IKZF1: variants seen among roughly 807,000 people sequenced by gnomAD.
The protein encoded by IKZF1 is IKAROS family zinc finger 1, also known as DNA-binding protein Ikaros.
IKZF1 carries 10 observed loss-of-function variants against 51.7 expected under a neutral mutation model. The observed-to-expected ratio is 0.19, with a 90% CI of 0.12 to 0.33. IKZF1 has a LOEUF of 0.33. Among genes scored for constraint, IKZF1 ranks in the 10% least tolerant of loss-of-function variants. The pLI is 1.00. For synonymous variants in IKZF1, 280 were observed against 282.3 expected, an observed-to-expected ratio of 0.99 and a Z score of 0.08; for missense variants, 484 against 707.5, an observed-to-expected ratio of 0.68 and a Z score of 3.58.
At chr7:50,346,660 A>G (rs1408412391) in intron 3 of IKZF1, among the ~76,000 whole-genome samples, 1 of 152,212 alleles carries the variant, frequency 6.6e-6, no homozygotes, top group Admixed American at 6.5e-5. Context: ...GGAATGCAGA[A>G]TGAAAAAGAA....
At chr7:50,332,797 A>G (rs1291073614) in intron 3 of IKZF1, among the ~76,000 whole-genome samples, 1 of 152,202 alleles carries the variant, frequency 6.6e-6, no homozygotes, top group African/African-American at 2.4e-5. Context: ...AGGCGGGAGG[A>G]CACATGAGTT....
chr7:50,367,891 G>A lies in IKZF1; in HGVS notation c.161-8642G>A, dbSNP rs558599076. The A allele has an allele frequency of 8.4e-4, 509 of 604,248 alleles. 9 individuals are homozygous for A. The South Asian group carries it at 1.0e-2, about 12-fold the overall frequency. The allele number at this position is 604,248 out of a possible 1,614,324, so 37.4% of individuals were successfully genotyped here. On this transcript the variant is annotated intron_variant, in intron 3 of 7. Coordinates refer to ENST00000331340, the MANE Select transcript of IKZF1 (RefSeq NM_006060.6). ...AATAGCAGATGAGTAGCTGAACAGTGGTTTTGAGTAATAAAACGTTCTTTT... is the reference window on the plus strand; with the variant it reads ...AATAGCAGATGAGTAGCTGAACAGTAGTTTTGAGTAATAAAACGTTCTTTT...
chr7:50,391,378 G>T (rs1367670202), intron 6 of IKZF1, among the ~76,000 whole-genome samples: 1 of 152,226 alleles, frequency 6.6e-6, no homozygotes, highest in Non-Finnish European at 1.5e-5. Flanking sequence ...ACTGACTGAG[G>T]TAGCAGATTT....
chr7:50,358,405 A>C (rs1804162958), intron 3 of IKZF1, among the ~76,000 whole-genome samples: 1 of 152,210 alleles, frequency 6.6e-6, no homozygotes, highest in African/African-American at 2.4e-5. Flanking sequence ...TCTCGCGTGA[A>C]GGCTGTGGGA....
In IKZF1 at chr7:50,327,534, C is replaced by T. The variant is rs371735548; in HGVS notation, c.41-104C>T. 84 of 1,382,200 alleles carry T rather than the reference C, an allele frequency of 6.1e-5. 1 individual carries two copies. Among genetic ancestry groups the T allele is most frequent in the East Asian group, 5.1e-4 (20 of 39,516 alleles). The allele number at this position is 1,382,200 out of a possible 1,614,324, so 85.6% of individuals were successfully genotyped here. On this transcript the variant is annotated intron_variant, in intron 2 of 7. Transcript: ENST00000331340. ...CCCAGCAGAGAAGCACTGGCTCCAC[C>T]CAGTACCTGCCTCCTCATGCCACCC...
At chr7:50,381,743 G>A (rs962700730) in intron 4 of IKZF1, among the ~76,000 whole-genome samples, 2 of 152,212 alleles carry the variant, frequency 1.3e-5, no homozygotes, top group Non-Finnish European at 2.9e-5. Context: ...TAGCTTAAAT[G>A]TTTTAGGATT....
At chr7:50,333,612 A>G (rs2153399406) in intron 3 of IKZF1, among the ~76,000 whole-genome samples, 1 of 152,244 alleles carries the variant, frequency 6.6e-6, no homozygotes, top group East Asian at 1.9e-4. Context: ...GAACTCAAGC[A>G]TGTTCAAATG....
intron 3 of IKZF1, among the ~76,000 whole-genome samples, chr7:50,369,903 C>T (rs1287726382): frequency 6.6e-6 from 1 of 152,088 alleles, no homozygotes; most frequent in Non-Finnish European, 1.5e-5. Flanking sequence ...CGAAAACAAC[C>T]TTCTACATTT....
At chr7:50,303,803 C>T (rs141865623), upstream of IKZF1, among the ~76,000 whole-genome samples, 1,093 of 151,342 alleles carry the variant, frequency 7.2e-3, 10 homozygotes, top group African/African-American at 0.024. The surrounding 1 kb of genome is among the most constrained non-coding windows in gnomAD (Gnocchi z 4.7). Context: ...ACCAGCGGCC[C>T]CGGGTGCAGG....
intron 1 of IKZF1, chr7:50,318,438 T>C: frequency 4.3e-6 from 1 of 229,954 alleles, no homozygotes; most frequent in Non-Finnish European, 8.6e-6. Context: ...TGGTGAAGGC[T>C]GAGGCAAGGG....
rs1252675218 is a variant in IKZF1 at position 50,404,593 on chromosome 7, C to T, written c.*3966C>T. On this transcript the variant is annotated 3_prime_UTR_variant, in exon 8 of 8. Transcript: ENST00000331340. ...TACCACTTGGGAACACATGTGGTGT[C>T]TTGATGTGGCCAGCGCAGCAGTTCA... is the stretch of plus-strand genomic sequence containing the variant. The T allele has an allele frequency of 4.4e-6, 1 of 228,992 alleles. No homozygotes were observed. Among genetic ancestry groups the T allele is most frequent in the Non-Finnish European group, 8.7e-6 (1 of 115,424 alleles). The allele number at this position is 228,992 out of a possible 1,614,324, so 14.2% of individuals were successfully genotyped here. A position where few individuals can be genotyped will look rare whatever the true frequency, so the allele number is the denominator to read the frequency against.
intron 7 of IKZF1, among the ~76,000 whole-genome samples, chr7:50,395,258 A>T (rs1021082806): frequency 6.6e-6 from 1 of 152,212 alleles, no homozygotes; most frequent in Non-Finnish European, 1.5e-5. Context: ...GGATAGGTAA[A>T]TATGAAATAA....
In IKZF1 at chr7:50,401,416, A is replaced by C. The variant is rs1310156575; in HGVS notation, c.*789A>C. On this transcript the variant is annotated 3_prime_UTR_variant, in exon 8 of 8. Transcript: ENST00000331340. Reference sequence around the variant, plus strand: ...AGGAGGAGACTGTCTTCCCGTGGGCATATCTGGGGAGCCCTGTTCCCCGCT... The same window carrying C: ...AGGAGGAGACTGTCTTCCCGTGGGCCTATCTGGGGAGCCCTGTTCCCCGCT... 4.4e-6 allele frequency: 1 copy of C among 226,202 alleles called. No homozygotes were observed. The highest frequency in any genetic ancestry group is 8.8e-6 in the Non-Finnish European group (1 of 113,558). The allele number at this position is 226,202 out of a possible 1,614,324, so 14.0% of individuals were successfully genotyped here. A position where few individuals can be genotyped will look rare whatever the true frequency, so the allele number is the denominator to read the frequency against.
chr7:50,324,694 C>T (rs1794394751), intron 2 of IKZF1, among the ~76,000 whole-genome samples: 1 of 152,162 alleles, frequency 6.6e-6, no homozygotes, highest in African/African-American at 2.4e-5. Flanking sequence ...AGAAGCGTAC[C>T]TGTTATTATG....
chr7:50,376,882 G>A lies in IKZF1; in HGVS notation c.421+89G>A, dbSNP rs139379817. On this transcript the variant is annotated intron_variant, in intron 4 of 7. Transcript: ENST00000331340. The surrounding 1 kb of genome is among the most constrained non-coding windows in gnomAD (Gnocchi z 4.5). ...AAGCATCCTGTCTTCCTTGTGTTCTGAGCATGTTTCTAATTGACTGGTAGC... is the reference window on the plus strand; with the variant it reads ...AAGCATCCTGTCTTCCTTGTGTTCTAAGCATGTTTCTAATTGACTGGTAGC... 529 of 1,533,954 alleles carry A rather than the reference G, an allele frequency of 3.4e-4. 6 individuals carry two copies. In the East Asian group the frequency reaches 0.012, roughly 34 times the overall value.
chr7:50,359,918 T>C (rs1201668448), intron 3 of IKZF1, among the ~76,000 whole-genome samples: 1 of 152,238 alleles, frequency 6.6e-6, no homozygotes, highest in Non-Finnish European at 1.5e-5. Context: ...CCACCTGTAG[T>C]GGGGTCAGGT....
chr7:50,381,078 A>G (rs1811722644), intron 4 of IKZF1, among the ~76,000 whole-genome samples: 2 of 152,168 alleles, frequency 1.3e-5, no homozygotes, highest in African/African-American at 4.8e-5. Context: ...ACTGTAAATT[A>G]GTTTCAGCTT....
chr7:50,395,764 A>G (rs963467193), intron 7 of IKZF1, among the ~76,000 whole-genome samples: 1 of 152,188 alleles, frequency 6.6e-6, no homozygotes, highest in Non-Finnish European at 1.5e-5. Flanking sequence ...AAAAGTTTCT[A>G]TAGATGTTCT....
intron 3 of IKZF1, among the ~76,000 whole-genome samples, chr7:50,370,980 G>A (rs1322013220): frequency 6.6e-6 from 1 of 152,256 alleles, no homozygotes; most frequent in South Asian, 2.1e-4. Flanking sequence ...CTCACAGAAG[G>A]GCACGGCCAG....
Sources: gnomAD v4.1 joint callset for allele counts (sites outside exome capture counted in the v4.1 genomes callset) on GRCh38, gnomAD v4.1.1 for gene constraint, Gnocchi (gnomAD v3.1) non-coding constraint, MANE v1.5 for transcripts, NCBI Gene and HGNC (gene_info 2026-07-23, HGNC 2026-07-21) for gene names.